Variants in NUP43 observed in about 807,000 individuals in gnomAD.
The protein encoded by NUP43 is nucleoporin 43.
NUP43 carries 32 observed loss-of-function variants against 47.3 expected under a neutral mutation model. The ratio of observed to expected loss-of-function variants is 0.68; its 90% confidence interval spans 0.51 to 0.91. The LOEUF is 0.91. Ranked by LOEUF, NUP43 falls within the 40% of genes least tolerant of loss-of-function variation. The probability of loss-of-function intolerance (pLI) is 0.00; values close to 1 mark genes in which losing one functional copy is unlikely to be tolerated. For missense variants in NUP43, 444 were observed against 453.9 expected, an observed-to-expected ratio of 0.98 and a Z score of 0.20; for synonymous variants, 147 against 158.4, an observed-to-expected ratio of 0.93 and a Z score of 0.54.
intron 6 of NUP43, among the ~76,000 whole-genome samples, chr6:149,732,186 A>G (rs1785087920): frequency 6.6e-6 from 1 of 150,588 alleles, no homozygotes; most frequent in South Asian, 2.1e-4. Context: ...TGTCTGAGAA[A>G]AAAAAAAAAA....
At chr6:149,738,848 A>G (rs1162876242) in intron 4 of NUP43, 70 bp from the exon 5 acceptor site, 11 of 913,402 alleles carry the variant, frequency 1.2e-5, no homozygotes, top group Non-Finnish European at 1.7e-5. Context: ...CTTAAATCAC[A>G]CTCCTTTCAT....
At chr6:149,734,523 C>T (rs1388904161) in intron 6 of NUP43, among the ~76,000 whole-genome samples, 1 of 151,596 alleles carries the variant, frequency 6.6e-6, no homozygotes, top group East Asian at 1.9e-4. Context: ...TAGGGCCGGG[C>T]GCAGTGGCTC....
chr6:149,732,047 T>G (rs2115090962), intron 6 of NUP43, among the ~76,000 whole-genome samples: 1 of 151,434 alleles, frequency 6.6e-6, no homozygotes, highest in Admixed American at 6.6e-5. Flanking sequence ...CCAGGCGTGG[T>G]GGCGCGTGCT....
intron 2 of NUP43, among the ~76,000 whole-genome samples, chr6:149,745,152 G>GCA (rs1320593896): frequency 1.3e-5 from 2 of 151,944 alleles, no homozygotes; most frequent in Non-Finnish European, 2.9e-5. Flanking sequence ...TGTAATCCCA[G>GCA]CACTTTGGGA....
Position 149,726,561 on chromosome 6 carries a change from A to G in NUP43, c.*408T>C, listed in dbSNP as rs1328279549. 1.1e-5 allele frequency: 2 copies of G among 181,508 alleles called. No individual in the cohort carries two copies. The highest frequency in any genetic ancestry group is 2.4e-5 in the Non-Finnish European group (2 of 84,882). 11.2% of individuals were successfully genotyped at this position (181,508 alleles called of 1,614,324 possible). A position where few individuals can be genotyped will look rare whatever the true frequency, so the allele number is the denominator to read the frequency against. ...ATAATCATTAACATTGGCAACTGCCACTAGGAAGGTGTATATGCCACATAC... is the reference window on the plus strand; with the variant it reads ...ATAATCATTAACATTGGCAACTGCCGCTAGGAAGGTGTATATGCCACATAC... On this transcript the variant is annotated 3_prime_UTR_variant, in exon 8 of 8. Transcript: ENST00000340413.
In NUP43 at chr6:149,725,461, C is replaced by G. The variant is rs1292100428; in HGVS notation, c.*1508G>C. ...AAAATTAGCTGGGTGTGGTGGTGAG[C>G]ACCTGTAATCCCAGCTACTCGGGAG... On this transcript the variant is annotated 3_prime_UTR_variant, in exon 8 of 8. Coordinates refer to ENST00000340413, the MANE Select transcript of NUP43 (RefSeq NM_198887.3). The G allele has an allele frequency of 1.3e-5, 2 of 152,184 alleles. No homozygotes were observed. Among genetic ancestry groups the G allele is most frequent in the East Asian group, 3.8e-4 (2 of 5,202 alleles). The allele number at this position is 152,184 out of a possible 1,614,324, so 9.4% of individuals were successfully genotyped here.
intron 6 of NUP43, among the ~76,000 whole-genome samples, chr6:149,734,665 G>C (rs1427723452): frequency 1.3e-5 from 2 of 151,824 alleles, no homozygotes; most frequent in African/African-American, 4.8e-5. Flanking sequence ...AGGCATGGTG[G>C]CAAATGCCTT....
At chr6:149,746,340 G>C (rs372555108) in intron 1 of NUP43, 36 bp downstream of exon 1, 8 of 1,607,622 alleles carry the variant, frequency 5.0e-6, no homozygotes, top group Middle Eastern at 1.8e-4. Context: ...CGGAGAGAGG[G>C]AGGAGGTAGG....
At chr6:149,732,779 A>G (rs1475881014) in intron 6 of NUP43, among the ~76,000 whole-genome samples, 1 of 152,150 alleles carries the variant, frequency 6.6e-6, no homozygotes, top group African/African-American at 2.4e-5. Flanking sequence ...CCGGGAGGCA[A>G]GGTTGCAGTG....
intron 1 of NUP43, 71 bp downstream of exon 1, chr6:149,746,305 G>A (rs1194381509): frequency 6.3e-7 from 1 of 1,577,282 alleles, no homozygotes; most frequent in African/African-American, 1.4e-5. Flanking sequence ...GAGTTGGCGC[G>A]CGGAAGGCCA....
At chr6:149,746,853 G>A (rs13214938), upstream of NUP43, among the ~76,000 whole-genome samples, 2,378 of 152,266 alleles carry the variant, frequency 0.016, 18 homozygotes, top group Middle Eastern at 0.024. Context: ...CCACACCTAA[G>A]CAGTTGCAGG....
At chr6:149,733,734 C>A (rs750896886) in intron 6 of NUP43, among the ~76,000 whole-genome samples, 4 of 152,116 alleles carry the variant, frequency 2.6e-5, no homozygotes, top group Non-Finnish European at 5.9e-5. Flanking sequence ...GCATGAACTA[C>A]CGTGCCCAGC....
intron 3 of NUP43, 53 bp from the exon 4 acceptor site, chr6:149,742,623 C>T (rs1785728004): frequency 3.0e-6 from 4 of 1,351,692 alleles, no homozygotes; most frequent in Non-Finnish European, 4.2e-6. Context: ...GGAATTAGCA[C>T]TTCTTCCCAA....
intron 2 of NUP43, 103 bp from the exon 3 acceptor site, chr6:149,743,818 A>G (rs1490106628): frequency 3.4e-6 from 2 of 590,018 alleles, no homozygotes; most frequent in Non-Finnish European, 5.3e-6. Flanking sequence ...TAACAATTTT[A>G]AAAAGCAAAG....
chr6:149,737,870 T>A (rs1412659223), intron 5 of NUP43, among the ~76,000 whole-genome samples: 1 of 151,986 alleles, frequency 6.6e-6, no homozygotes, highest in Non-Finnish European at 1.5e-5. Context: ...TTTGTATTTT[T>A]AGTAGAGACG....
Position 149,742,491 on chromosome 6 carries a change from C to T in NUP43, c.401G>A (p.Cys134Tyr). The T allele has an allele frequency of 6.2e-7, 1 of 1,613,874 alleles. No homozygotes were observed. Among genetic ancestry groups the T allele is most frequent in the African/African-American group, 1.3e-5 (1 of 75,042 alleles). Residue 134 changes from cysteine to tyrosine, a missense_variant, in exon 4 of 8, where the codon TGT (cysteine) becomes TAT (tyrosine). Cys to Tyr is a radical substitution (Grantham distance 194). Transcript: ENST00000340413. ...PGSPSYSSAP[C>Y]TGVVCNNPEI... ...TGGGTTGTTGCACACAACACCTGTA[C>T]ATGGTGCACTGCTATAGGAAGGACT...
At position 149,746,525 on chromosome 6, in the gene NUP43, A is replaced by T. The variant is rs1185983908; in HGVS notation, c.-30T>A. On this transcript the variant is annotated 5_prime_UTR_variant, in exon 1 of 8. Coordinates refer to ENST00000340413, the MANE Select transcript of NUP43 (RefSeq NM_198887.3). ...AAAGCGGCCGCAGCAGGTACTGCAA[A>T]AAGCAAGCACAGTACGCGCCTCTCA... 2.9e-5 allele frequency: 47 copies of T among 1,614,132 alleles called. No individual in the cohort carries two copies. Among genetic ancestry groups the T allele is most frequent in the Middle Eastern group, 1.6e-4 (1 of 6,062 alleles).
intron 5 of NUP43, among the ~76,000 whole-genome samples, chr6:149,738,299 G>A (rs1005030251): frequency 1.3e-5 from 2 of 152,072 alleles, no homozygotes; most frequent in Admixed American, 6.6e-5. Context: ...TACAAAGGGG[G>A]ATTTCTGCTC....
intron 4 of NUP43, among the ~76,000 whole-genome samples, chr6:149,740,275 CAAAAAAAAAAAAAA>C (rs766447484): frequency 4.5e-5 from 1 of 22,444 alleles, no homozygotes; most frequent in South Asian, 2.4e-3. Flanking sequence ...GACCCTGTCT[CAAAAAAAAAAAAAA>C]AAAAAAAAAA....
Sources: allele counts gnomAD v4.1 joint callset (sites outside exome capture counted in the v4.1 genomes callset), GRCh38; gene constraint gnomAD v4.1.1; transcripts MANE v1.5; gene names NCBI Gene and HGNC (gene_info 2026-07-23, HGNC 2026-07-21).